The following RCOR1 variants were observed in gnomAD, a reference collection of about 807,000 sequenced individuals.
RCOR1 encodes REST corepressor.
Under a neutral mutation model 64.0 loss-of-function variants are expected in RCOR1, and 12 were observed. The observed-to-expected ratio is 0.19, with a 90% CI of 0.12 to 0.30. The LOEUF (loss-of-function observed/expected upper bound fraction) is 0.30. RCOR1 is among the 10% of genes least tolerant of loss of function. RCOR1 has a pLI of 1.00. For synonymous variants in RCOR1, 279 were observed against 227.2 expected, an observed-to-expected ratio of 1.23 and a Z score of -2.05; for missense variants, 502 against 621.2, an observed-to-expected ratio of 0.81 and a Z score of 2.04.
chr14:102,595,166 T>G (rs1256066709), intron 2 of RCOR1, among the ~76,000 whole-genome samples: 1 of 152,198 alleles, frequency 6.6e-6, no homozygotes, highest in African/African-American at 2.4e-5. Flanking sequence ...TTTGTTGGAA[T>G]AGATATGAGC....
intron 2 of RCOR1, among the ~76,000 whole-genome samples, chr14:102,650,771 C>T (rs1006974070): frequency 1.3e-5 from 2 of 152,120 alleles, no homozygotes; most frequent in Non-Finnish European, 2.9e-5. Flanking sequence ...AAGGGATAAA[C>T]ATTGAAGTTA....
At chr14:102,724,086 G>C (rs185033727) in intron 11 of RCOR1, among the ~76,000 whole-genome samples, 1 of 151,872 alleles carries the variant, frequency 6.6e-6, no homozygotes, top group Admixed American at 6.6e-5. Flanking sequence ...TCCACTTACC[G>C]TGTGGATTGC....
At chr14:102,652,988 A>G (rs1021731731) in intron 2 of RCOR1, among the ~76,000 whole-genome samples, 6 of 152,054 alleles carry the variant, frequency 3.9e-5, no homozygotes, top group African/African-American at 1.5e-4. Context: ...GCTGGAGTGC[A>G]GTGACGTGAT....
At chr14:102,687,824 A>G (rs1202588685) in intron 3 of RCOR1, among the ~76,000 whole-genome samples, 2 of 152,230 alleles carry the variant, frequency 1.3e-5, no homozygotes, top group Non-Finnish European at 2.9e-5. Context: ...GGGACTCAGC[A>G]GAAGGTGCTA....
intron 2 of RCOR1, among the ~76,000 whole-genome samples, chr14:102,653,919 CCTTCTTTCTTTCTTTCTTTCTTT>C (rs1894646754): frequency 7.2e-6 from 1 of 139,040 alleles, no homozygotes; most frequent in Non-Finnish European, 1.5e-5. Flanking sequence ...TCAGGTATTT[CCTTCTTTCTTTCTTTCTTTCTTT>C]CTTTCTTTCT....
At chr14:102,600,435 C>G (rs1259705612) in intron 2 of RCOR1, among the ~76,000 whole-genome samples, 2 of 151,334 alleles carry the variant, frequency 1.3e-5, no homozygotes, top group African/African-American at 2.4e-5. Flanking sequence ...GAGTTTTGCT[C>G]TTGTCACCCA....
intron 7 of RCOR1, among the ~76,000 whole-genome samples, chr14:102,711,752 C>T (rs1333692876): frequency 6.6e-6 from 1 of 152,044 alleles, no homozygotes; most frequent in African/African-American, 2.4e-5. Context: ...TTTATCTAAA[C>T]TTTAAAATGA....
intron 2 of RCOR1, among the ~76,000 whole-genome samples, chr14:102,619,810 A>G (rs1041425665): frequency 1.4e-4 from 21 of 152,024 alleles, no homozygotes; most frequent in Admixed American, 1.0e-3. Flanking sequence ...CTCTTCTCCT[A>G]TCTGTCTTGT....
intron 2 of RCOR1, among the ~76,000 whole-genome samples, chr14:102,639,558 G>T (rs1894321318): frequency 6.8e-6 from 1 of 146,678 alleles, no homozygotes; most frequent in Non-Finnish European, 1.5e-5. Flanking sequence ...TATTGAGATG[G>T]AGTCTCGCTC....
At chr14:102,657,720 C>G (rs1693930035) in intron 2 of RCOR1, 1 of 395,796 alleles carries the variant, frequency 2.5e-6, no homozygotes, top group African/African-American at 2.2e-5. Context: ...TGCCTGTAAT[C>G]CCAGCTACTG....
rs142303383 is a variant in RCOR1 at position 102,697,619 on chromosome 14, G to A, written c.446-3659G>A. ...TTAACTTACTTCATCACAACCTTCC[G>A]AGCACCTAGTAGACACACCATGTGT... On this transcript the variant is annotated intron_variant, in intron 3 of 11. Coordinates refer to ENST00000262241, the MANE Select transcript of RCOR1 (RefSeq NM_015156.4). Among the ~76,000 whole-genome samples, 160 of 151,916 alleles carry A rather than the reference G, an allele frequency of 1.1e-3. 1 individual carries two copies. Among genetic ancestry groups the A allele is most frequent in the African/African-American group, 3.6e-3 (147 of 41,402 alleles).
chr14:102,679,178 A>T (rs1414357214), intron 2 of RCOR1, among the ~76,000 whole-genome samples: 1 of 152,162 alleles, frequency 6.6e-6, no homozygotes, highest in East Asian at 1.9e-4. Context: ...TGTATCTAAG[A>T]TCTCCTTTCC....
intron 2 of RCOR1, chr14:102,657,623 A>T: frequency 1.4e-6 from 1 of 721,610 alleles, no homozygotes; most frequent in Non-Finnish European, 1.7e-6. Context: ...AGATCACTTG[A>T]GGTCAGGAGT....
chr14:102,662,701 G>A (rs772584165), intron 2 of RCOR1: 55 of 434,256 alleles, frequency 1.3e-4, no homozygotes, highest in Middle Eastern at 3.6e-4. Context: ...CTTTGCTTTC[G>A]GTGCCATCTT....
chr14:102,677,361 G>A (rs1251976436), intron 2 of RCOR1, among the ~76,000 whole-genome samples: 295 of 142,026 alleles, frequency 2.1e-3, no homozygotes, highest in Non-Finnish European at 3.1e-3. Context: ...CCTCCCTCCC[G>A]GACGGGGTGG....
At chr14:102,725,956 C>G (rs115483427) in intron 11 of RCOR1, among the ~76,000 whole-genome samples, 3,054 of 152,260 alleles carry the variant, frequency 0.02, 49 homozygotes, top group Middle Eastern at 0.031. Flanking sequence ...AACTCAAAAA[C>G]ACTGATAACT....
chr14:102,663,194 G>A (rs1894858204), intron 2 of RCOR1, among the ~76,000 whole-genome samples: 1 of 152,172 alleles, frequency 6.6e-6, no homozygotes, highest in Admixed American at 6.5e-5. Flanking sequence ...AGACTGAGTT[G>A]CTCCTCCTTG....
chr14:102,593,420 T>A, intron 2 of RCOR1, 95 bp downstream of exon 2: 2 of 1,292,054 alleles, frequency 1.5e-6, no homozygotes, highest in Non-Finnish European at 2.0e-6. Context: ...GACAACTTTC[T>A]TTTTGTGCGT....
At chr14:102,668,107 G>C (rs1008756747) in intron 2 of RCOR1, among the ~76,000 whole-genome samples, 1 of 152,164 alleles carries the variant, frequency 6.6e-6, no homozygotes, top group Non-Finnish European at 1.5e-5. Context: ...TAGAGAAAAC[G>C]TGGGGAAAGG....
Sources: allele counts gnomAD v4.1 joint callset (sites outside exome capture counted in the v4.1 genomes callset), GRCh38; gene constraint gnomAD v4.1.1; transcripts MANE v1.5; gene names NCBI Gene and HGNC (gene_info 2026-07-23, HGNC 2026-07-21).